Variants in PRKG2 observed in about 807,000 individuals in gnomAD.
PRKG2 encodes protein kinase cGMP-dependent 2.
A neutral mutation model predicts 97.2 loss-of-function variants in PRKG2; 33 were observed. That is an observed-to-expected ratio of 0.34 (90% CI 0.26 to 0.45). PRKG2 has a LOEUF of 0.45. Ranked by LOEUF, PRKG2 falls within the 20% of genes least tolerant of loss-of-function variation. The pLI, the probability that PRKG2 is intolerant of heterozygous loss-of-function variation, is 1.00. For missense variants in PRKG2, 638 were observed against 900.0 expected, an observed-to-expected ratio of 0.71 and a Z score of 3.73; for synonymous variants, 330 against 321.8, an observed-to-expected ratio of 1.03 and a Z score of -0.27.
At chr4:81,090,369 A>G (rs1331380375) in intron 18 of PRKG2, among the ~76,000 whole-genome samples, 1 of 152,090 alleles carries the variant, frequency 6.6e-6, no homozygotes, top group Admixed American at 6.5e-5. Context: ...AAAAAAAAAA[A>G]TAAGTGACAG....
chr4:81,204,851 G>A lies in PRKG2; in HGVS notation c.197C>T (p.Ala66Val). ...GTTCTGGAGCTCCTCTGTGAGTTCA[G>A]CAATGGCCACAGTCTGCTTCGACAG... ...EQLSKQTVAI[A>V]ELTEELQNKC... The change falls in exon 2 of 19, where the codon GCT becomes GTT. Residue 66 changes from alanine (A) to valine (V), a missense_variant. Physicochemically the swap from Ala to Val is moderately conservative, Grantham distance 64 (BLOSUM62 0). This residue lies in a region of PRKG2 where 332 missense variants were observed against 421.7 expected (regional missense o/e 0.79). Coordinates refer to ENST00000264399, the MANE Select transcript of PRKG2 (RefSeq NM_006259.3). 6.2e-7 allele frequency: 1 copy of A among 1,614,196 alleles called. No homozygotes were observed. The highest frequency in any genetic ancestry group is 8.5e-7 in the Non-Finnish European group (1 of 1,180,046).
chr4:81,180,426 G>C (rs902251355), intron 2 of PRKG2, among the ~76,000 whole-genome samples: 1 of 151,920 alleles, frequency 6.6e-6, no homozygotes, highest in Non-Finnish European at 1.5e-5. Flanking sequence ...GTATGGAAAG[G>C]CTGAAAATAA....
At chr4:81,127,238 G>C (rs1026808668) in intron 14 of PRKG2, among the ~76,000 whole-genome samples, 3 of 152,108 alleles carry the variant, frequency 2.0e-5, no homozygotes, top group East Asian at 1.9e-4. Context: ...ATCTGTTTTG[G>C]GACCAGTACC....
chr4:81,195,057 T>C (rs960014711), intron 2 of PRKG2, among the ~76,000 whole-genome samples: 99 of 152,294 alleles, frequency 6.5e-4, no homozygotes, highest in Non-Finnish European at 1.5e-4. Flanking sequence ...AACTTAAGAT[T>C]AAGGATTACA....
intron 7 of PRKG2, 30 bp from the exon 8 acceptor site, chr4:81,152,084 A>G (rs1748459966): frequency 6.6e-7 from 1 of 1,515,530 alleles, no homozygotes; most frequent in Admixed American, 1.8e-5. Flanking sequence ...ACAAACAGAA[A>G]GAGACTGAAG....
At chr4:81,108,565 A>G (rs1012243583) in intron 15 of PRKG2, among the ~76,000 whole-genome samples, 1 of 151,928 alleles carries the variant, frequency 6.6e-6, no homozygotes. Flanking sequence ...CCTACCCAGA[A>G]AATCATTTAC....
chr4:81,131,762 A>G (rs980721), intron 14 of PRKG2, among the ~76,000 whole-genome samples: 40,656 of 152,038 alleles, frequency 0.27, 7,689 homozygotes, highest in African/African-American at 0.51. Flanking sequence ...TGCTGACTGT[A>G]CATGTTTATT....
At chr4:81,091,151 A>G (rs1013015186) in intron 18 of PRKG2, among the ~76,000 whole-genome samples, 1 of 152,234 alleles carries the variant, frequency 6.6e-6, no homozygotes, top group Non-Finnish European at 1.5e-5. Context: ...ATATGATGAT[A>G]TGATGAAAAG....
At chr4:81,095,321 A>G (rs1254880541) in intron 17 of PRKG2, among the ~76,000 whole-genome samples, 1 of 152,190 alleles carries the variant, frequency 6.6e-6, no homozygotes, top group Non-Finnish European at 1.5e-5. Context: ...CCCTTGCTGT[A>G]AAACCACAGA....
chr4:81,141,787 C>T (rs528394171), intron 11 of PRKG2, among the ~76,000 whole-genome samples: 2 of 152,176 alleles, frequency 1.3e-5, no homozygotes, highest in Non-Finnish European at 2.9e-5. Flanking sequence ...CGAAAAATAC[C>T]ACTGCAGACA....
At chr4:81,205,558 A>C (rs1292481010) in intron 1 of PRKG2, among the ~76,000 whole-genome samples, 2 of 152,250 alleles carry the variant, frequency 1.3e-5, no homozygotes, top group Non-Finnish European at 2.9e-5. Flanking sequence ...AGAAGACGGA[A>C]GCAGAGTTGG....
intron 18 of PRKG2, among the ~76,000 whole-genome samples, chr4:81,091,745 T>G (rs534102922): frequency 3.3e-5 from 5 of 152,282 alleles, no homozygotes; most frequent in Admixed American, 2.0e-4. Flanking sequence ...AACTTAGTAG[T>G]ATGTTGACCT....
chr4:81,161,158 C>CA (rs1246997169), intron 6 of PRKG2, among the ~76,000 whole-genome samples: 2 of 152,078 alleles, frequency 1.3e-5, no homozygotes, highest in African/African-American at 2.4e-5. Context: ...CTAATACTAA[C>CA]AAACATGCGT....
At chr4:81,118,571 CTTAT>C (rs1262410219) in intron 14 of PRKG2, among the ~76,000 whole-genome samples, 1 of 152,094 alleles carries the variant, frequency 6.6e-6, no homozygotes, top group Non-Finnish European at 1.5e-5. Context: ...CTTTCATATG[CTTAT>C]TTGAGATCTG....
At chr4:81,196,566 C>T (rs1373698774) in intron 2 of PRKG2, among the ~76,000 whole-genome samples, 2 of 152,108 alleles carry the variant, frequency 1.3e-5, no homozygotes, top group African/African-American at 2.4e-5. Context: ...TCTCATATTT[C>T]CCAGAGCTTA....
chr4:81,170,983 C>G (rs17005079), intron 4 of PRKG2, among the ~76,000 whole-genome samples: 2 of 151,882 alleles, frequency 1.3e-5, no homozygotes, highest in African/African-American at 4.8e-5. Flanking sequence ...GCAGAACAAA[C>G]CTTTTTATTT....
chr4:81,095,359 T>C (rs1475776310), intron 17 of PRKG2, among the ~76,000 whole-genome samples: 1 of 152,168 alleles, frequency 6.6e-6, no homozygotes, highest in East Asian at 1.9e-4. Context: ...ACCCATTGCT[T>C]TTTTGCATAG....
At position 81,123,616 on chromosome 4, in the gene PRKG2, G is replaced by A. The variant is rs527599970; in HGVS notation, c.1776+11539C>T. On this transcript the variant is annotated intron_variant, in intron 14 of 18. Coordinates refer to ENST00000264399, the MANE Select transcript of PRKG2 (RefSeq NM_006259.3). Reference sequence around the variant, plus strand: ...AGATGGGGTTTCACCATGTTAGACAGGATGGTCTCGATCTCCTGACCTCAT... The same window carrying A: ...AGATGGGGTTTCACCATGTTAGACAAGATGGTCTCGATCTCCTGACCTCAT... Among the ~76,000 whole-genome samples the A allele has an allele frequency of 7.6e-4, 115 of 152,270 alleles. 2 individuals carry two copies. Among genetic ancestry groups the A allele is most frequent in the Non-Finnish European group, 1.3e-4 (9 of 68,020 alleles).
chr4:81,206,719 A>C (rs1753693382), intron 1 of PRKG2, among the ~76,000 whole-genome samples: 1 of 152,200 alleles, frequency 6.6e-6, no homozygotes. Flanking sequence ...CTTCAAACTT[A>C]AATAGAAGTG....
Sources: allele counts gnomAD v4.1 joint callset (sites outside exome capture counted in the v4.1 genomes callset), GRCh38; gene constraint gnomAD v4.1.1; regional missense constraint gnomAD v4.1.1; transcripts MANE v1.5; gene names NCBI Gene and HGNC (gene_info 2026-07-23, HGNC 2026-07-21).